PDE4D: variants seen among roughly 807,000 people sequenced by gnomAD.
PDE4D encodes 3',5'-cyclic-AMP phosphodiesterase 4D.
A neutral mutation model predicts 87.4 loss-of-function variants in PDE4D; 24 were observed. That is an observed-to-expected ratio of 0.27 (90% CI 0.20 to 0.39). PDE4D has a LOEUF of 0.39. Among genes scored for constraint, PDE4D ranks in the 10% least tolerant of loss-of-function variants. The pLI, the probability that PDE4D is intolerant of heterozygous loss-of-function variation, is 1.00. For missense variants in PDE4D, 714 were observed against 1,041.0 expected (o/e 0.69, Z 4.32); for synonymous variants, 384 against 383.2 (o/e 1.00, Z -0.02).
Position 60,316,528 on chromosome 5 carries a change from T to C in PDE4D, c.-89-130841A>G, listed in dbSNP as rs983276315. Among the ~76,000 whole-genome samples the C allele has an allele frequency of 1.1e-4, 16 of 152,268 alleles. 1 individual carries two copies. The highest frequency in any genetic ancestry group is 3.8e-4 in the African/African-American group (16 of 41,564). On this transcript the variant is annotated intron_variant, in intron 1 of 16. Coordinates refer to the PDE4D transcript ENST00000502484. Reference sequence around the variant, plus strand: ...CCAGAACTTCTAACACTATGTTGAGTAGGAGTGGTGAGAGAGGGCATCCCT... The same window carrying C: ...CCAGAACTTCTAACACTATGTTGAGCAGGAGTGGTGAGAGAGGGCATCCCT...
At chr5:59,739,497 C>A (rs888336104) in intron 1 of PDE4D, among the ~76,000 whole-genome samples, 5 of 152,056 alleles carry the variant, frequency 3.3e-5, no homozygotes, top group Admixed American at 2.6e-4. Context: ...GTACAATTCA[C>A]AATAGAAAAT....
chr5:59,581,728 C>T (rs1039071227), intron 1 of PDE4D, among the ~76,000 whole-genome samples: 1 of 152,060 alleles, frequency 6.6e-6, no homozygotes. Flanking sequence ...TTTTTAAAAA[C>T]ACTAAAACAT....
chr5:59,644,233 C>A (rs1050178444), intron 1 of PDE4D, among the ~76,000 whole-genome samples: 12 of 152,144 alleles, frequency 7.9e-5, no homozygotes, highest in African/African-American at 2.7e-4. Flanking sequence ...TGCTCTCAAC[C>A]AGCTTATTTA....
At chr5:60,513,720 G>T (rs1750673861) in intron 1 of PDE4D, among the ~76,000 whole-genome samples, 1 of 151,762 alleles carries the variant, frequency 6.6e-6, no homozygotes, top group Non-Finnish European at 1.5e-5. Flanking sequence ...TATTTATAAA[G>T]AACATGTAGC....
intron 2 of PDE4D, among the ~76,000 whole-genome samples, chr5:60,084,519 C>CTA (rs1342694997): frequency 6.6e-6 from 1 of 152,072 alleles, no homozygotes; most frequent in African/African-American, 2.4e-5. Flanking sequence ...TCTGCATATA[C>CTA]CACTTCCCCT....
rs1163223750 is a variant in PDE4D, at chr5:60,474,145, TATATAACA to T, written c.-90+13789_-90+13796del. 2.5e-3 allele frequency among the ~76,000 whole-genome samples: 242 copies of T among 98,520 alleles called. 9 individuals are homozygous for T. The highest frequency in any genetic ancestry group is 0.015 in the African/African-American group (227 of 15,276). The allele number at this position is 98,520 out of a possible 152,430, so 64.6% of individuals were successfully genotyped here. A position where few individuals can be genotyped will look rare whatever the true frequency, so the allele number is the denominator to read the frequency against. Reference sequence around the variant, plus strand: ...ATATATATATATATATATATATATATATATAACAAAAACCTTAGACTGGGCAATTTATA... The same window carrying T: ...ATATATATATATATATATATATATATAAAACCTTAGACTGGGCAATTTATA... On this transcript the variant is annotated intron_variant, in intron 1 of 16. Coordinates refer to the PDE4D transcript ENST00000502484.
intron 1 of PDE4D, among the ~76,000 whole-genome samples, chr5:60,441,364 T>G (rs990070926): frequency 6.6e-6 from 1 of 151,956 alleles, no homozygotes; most frequent in Non-Finnish European, 1.5e-5. Context: ...ATAAATGGTG[T>G]TGGGAAAACT....
In PDE4D at chr5:60,449,241, T is replaced by C. The variant is rs549699913; in HGVS notation, c.-90+38701A>G. ...CAAATTCAGAAACCAGAGATTCAAG[T>C]GCAAAGGTCCTATAGGATGGCCACT... On this transcript the variant is annotated intron_variant, in intron 1 of 16. Transcript: ENST00000502484. 1.8e-4 allele frequency among the ~76,000 whole-genome samples: 28 copies of C among 151,998 alleles called. No individual in the cohort carries two copies. The South Asian group carries it at 5.4e-3, about 29-fold the overall frequency.
rs116678949 is a variant in PDE4D at position 59,202,763 on chromosome 5, T to C, written c.648-9227A>G. Among the ~76,000 whole-genome samples, 1,005 of 152,238 alleles carry C rather than the reference T, an allele frequency of 6.6e-3. 16 individuals carry two copies. Among genetic ancestry groups the C allele is most frequent in the African/African-American group, 0.023 (960 of 41,554 alleles). ...TTTGCCTGTTGCCATCCACATAAGATGTGAATTGCTCCTCCTCGCCTTCCA... is the reference window on the plus strand; with the variant it reads ...TTTGCCTGTTGCCATCCACATAAGACGTGAATTGCTCCTCCTCGCCTTCCA... On this transcript the variant is annotated intron_variant, in intron 2 of 14. Coordinates refer to ENST00000340635, the MANE Select transcript of PDE4D (RefSeq NM_001104631.2).
In PDE4D at chr5:59,704,212, C is replaced by T. The variant is rs1029826475; in HGVS notation, c.455+188956G>A. On this transcript the variant is annotated intron_variant, in intron 1 of 14. Coordinates refer to ENST00000340635, the MANE Select transcript of PDE4D (RefSeq NM_001104631.2). Reference sequence around the variant, plus strand: ...TTATGTAGGTGACAAGCTAACCCGTCGTATTTAACAATATAAACAAAAACA... The same window carrying T: ...TTATGTAGGTGACAAGCTAACCCGTTGTATTTAACAATATAAACAAAAACA... Among the ~76,000 whole-genome samples the T allele has an allele frequency of 4.6e-5, 7 of 152,250 alleles. No individual in the cohort carries two copies. The East Asian group carries it at 1.2e-3, about 25-fold the overall frequency.
chr5:59,628,160 T>C (rs1262892682), intron 1 of PDE4D, among the ~76,000 whole-genome samples: 1 of 152,152 alleles, frequency 6.6e-6, no homozygotes, highest in Non-Finnish European at 1.5e-5. Context: ...TCAAGGGGTA[T>C]TTTTAACTTA....
chr5:60,288,834 A>G (rs762674096), intron 1 of PDE4D, among the ~76,000 whole-genome samples: 10 of 152,228 alleles, frequency 6.6e-5, no homozygotes, highest in Non-Finnish European at 1.3e-4. Flanking sequence ...AAGAACATCA[A>G]TGATCACAAT....
intron 1 of PDE4D, among the ~76,000 whole-genome samples, chr5:59,769,535 A>G (rs1763231980): frequency 1.3e-5 from 2 of 152,226 alleles, no homozygotes. Flanking sequence ...TGTGTGATGA[A>G]TAGAGCTTCA....
chr5:59,567,156 A>G (rs147627911), intron 1 of PDE4D, among the ~76,000 whole-genome samples: 2 of 152,316 alleles, frequency 1.3e-5, no homozygotes, highest in Non-Finnish European at 2.9e-5. Flanking sequence ...CTGAAAATCT[A>G]TTCTTCAGTG....
At chr5:60,292,847 C>T (rs1753014080) in intron 1 of PDE4D, among the ~76,000 whole-genome samples, 1 of 152,150 alleles carries the variant, frequency 6.6e-6, no homozygotes, top group African/African-American at 2.4e-5. Flanking sequence ...AATTCTAAGA[C>T]TAGTTTCCAT....
chr5:59,055,972 C>T (rs1032768336), intron 5 of PDE4D, among the ~76,000 whole-genome samples: 1 of 152,154 alleles, frequency 6.6e-6, no homozygotes, highest in African/African-American at 2.4e-5. Flanking sequence ...AAGCAAACAA[C>T]TAACAAATGA....
chr5:60,121,735 T>C (rs1237832103), intron 2 of PDE4D, among the ~76,000 whole-genome samples: 1 of 152,074 alleles, frequency 6.6e-6, no homozygotes, highest in Non-Finnish European at 1.5e-5. Context: ...CCCTGGGCCC[T>C]CCAAATCTCA....
intron 1 of PDE4D, among the ~76,000 whole-genome samples, chr5:59,526,123 C>G (rs1582985045): frequency 1.3e-5 from 2 of 152,250 alleles, no homozygotes; most frequent in East Asian, 3.9e-4. Flanking sequence ...CAATGCAGCA[C>G]TCCTCACTAG....
Position 59,341,150 on chromosome 5 carries a change from C to T in PDE4D, c.456-125182G>A, listed in dbSNP as rs150206824. 4.4e-3 allele frequency among the ~76,000 whole-genome samples: 676 copies of T among 152,216 alleles called. 4 individuals carry two copies. The highest frequency in any genetic ancestry group is 0.016 in the African/African-American group (656 of 41,524). On this transcript the variant is annotated intron_variant, in intron 1 of 14. Coordinates refer to ENST00000340635, the MANE Select transcript of PDE4D (RefSeq NM_001104631.2). ...AGCTCAAGTGCTCTATGGCTACTAGCTCTCTTGTTGGACAGCACAGGCCTA... is the reference window on the plus strand; with the variant it reads ...AGCTCAAGTGCTCTATGGCTACTAGTTCTCTTGTTGGACAGCACAGGCCTA...
Sources: allele counts gnomAD v4.1 joint callset (sites outside exome capture counted in the v4.1 genomes callset), GRCh38; gene constraint gnomAD v4.1.1; transcripts MANE v1.5; gene names NCBI Gene and HGNC (gene_info 2026-07-23, HGNC 2026-07-21).